The following GLIS3 variants were observed in gnomAD, a reference collection of about 807,000 sequenced individuals.
GLIS3 encodes the protein zinc finger protein GLIS3.
Under a neutral mutation model 78.6 loss-of-function variants are expected in GLIS3, and 53 were observed. That is an observed-to-expected ratio of 0.67 (90% CI 0.54 to 0.85). GLIS3 has a LOEUF of 0.85. GLIS3 is among the 40% of genes least tolerant of loss of function. The probability of loss-of-function intolerance (pLI) is 0.00; values close to 1 mark genes in which losing one functional copy is unlikely to be tolerated. For synonymous variants in GLIS3, 684 were observed against 509.9 expected (o/e 1.34, Z -4.60); for missense variants, 1,703 against 1,231.1 (o/e 1.38, Z -5.74).
At chr9:4,299,077 C>T (rs1563920331) in intron 1 of GLIS3, among the ~76,000 whole-genome samples, 1 of 152,142 alleles carries the variant, frequency 6.6e-6, no homozygotes, top group Admixed American at 6.5e-5. Flanking sequence ...CCCCTCTGCC[C>T]GCTCTACTTG....
intron 2 of GLIS3, among the ~76,000 whole-genome samples, chr9:4,232,937 G>C (rs1046983091): frequency 6.6e-6 from 1 of 152,162 alleles, no homozygotes; most frequent in African/African-American, 2.4e-5. Context: ...TCAGTGTATA[G>C]ACAAAATGTT....
At chr9:4,138,616 C>T (rs188559444) in intron 2 of GLIS3, among the ~76,000 whole-genome samples, 95 of 152,154 alleles carry the variant, frequency 6.2e-4, no homozygotes, top group Non-Finnish European at 9.6e-4. Context: ...TGGGGGAAGC[C>T]GTAAAGAATG....
the GLIS3 span, among the ~76,000 whole-genome samples, chr9:4,483,776 G>C: frequency 6.6e-6 from 1 of 150,596 alleles, no homozygotes; most frequent in African/African-American, 2.4e-5. Context: ...TCTAGAGCCA[G>C]ACCATCTGGC....
At chr9:4,354,553 T>C in the GLIS3 span, among the ~76,000 whole-genome samples, 4 of 152,220 alleles carry the variant, frequency 2.6e-5, no homozygotes, top group African/African-American at 7.2e-5. Context: ...CCCATCTTAT[T>C]CAGGTCAAAA....
chr9:4,266,463 CTT>C (rs948275218), intron 2 of GLIS3, among the ~76,000 whole-genome samples: 2 of 152,124 alleles, frequency 1.3e-5, no homozygotes, highest in Non-Finnish European at 2.9e-5. Flanking sequence ...GCAATAGTGA[CTT>C]TGTTTCTTTC....
intron 2 of GLIS3, among the ~76,000 whole-genome samples, chr9:4,159,734 G>GAAAGA (rs1048030460): frequency 1.8e-4 from 26 of 145,962 alleles, no homozygotes; most frequent in Non-Finnish European, 3.2e-4. Context: ...AAAAAAAAAA[G>GAAAGA]AAAGAAAAGA....
rs1822619513 is a variant in GLIS3 at position 4,235,270 on chromosome 9, G to A, written c.388+50768C>T. On this transcript the variant is annotated intron_variant, in intron 2 of 10. Transcript: ENST00000381971. ...TCCGAGATTGCACTACTGCACTCCA[G>A]GCTGGGCGACACAGTGAGACTCTGT... is the stretch of plus-strand genomic sequence containing the variant. Among the ~76,000 whole-genome samples the A allele has an allele frequency of 2.1e-5, 3 of 146,260 alleles. No individual in the cohort carries two copies. The Admixed American group carries it at 2.1e-4, about 10-fold the overall frequency.
chr9:4,315,375 A>T (rs1469085122), intron 2 of GLIS3, among the ~76,000 whole-genome samples: 1 of 152,152 alleles, frequency 6.6e-6, no homozygotes, highest in African/African-American at 2.4e-5. Context: ...TTAGTATTTC[A>T]AGGCCTGCTC....
the GLIS3 span, among the ~76,000 whole-genome samples, chr9:4,439,113 C>G: frequency 6.6e-6 from 1 of 152,166 alleles, no homozygotes; most frequent in Non-Finnish European, 1.5e-5. Context: ...ACCCCTTTCT[C>G]TCTCTGTGCT....
chr9:3,873,304 C>T lies in GLIS3; in HGVS notation c.2297+6123G>A, dbSNP rs1254476697. On this transcript the variant is annotated intron_variant, in intron 8 of 10. Transcript: ENST00000381971. ...ATAACAAACAACAAAAATAAAACTG[C>T]AGGCCAATATCCCTGATAAACAGAG... Among the ~76,000 whole-genome samples, 4 of 152,106 alleles carry T rather than the reference C, an allele frequency of 2.6e-5. No homozygotes were observed. In the East Asian group the frequency reaches 7.7e-4, roughly 29 times the overall value.
At chr9:4,422,790 TC>T in the GLIS3 span, among the ~76,000 whole-genome samples, 1 of 152,184 alleles carries the variant, frequency 6.6e-6, no homozygotes, top group East Asian at 1.9e-4. Flanking sequence ...AGGGAAGGTC[TC>T]TTGCAGAGGT....
At chr9:4,361,268 C>T in the GLIS3 span, among the ~76,000 whole-genome samples, 1 of 152,180 alleles carries the variant, frequency 6.6e-6, no homozygotes, top group African/African-American at 2.4e-5. Context: ...CAAAGACTGA[C>T]CTCCTTGTCT....
rs71308890 is a variant in GLIS3 at position 3,839,594 on chromosome 9, A to AG, written c.2474-10103dup. 3.8e-4 allele frequency among the ~76,000 whole-genome samples: 58 copies of AG among 151,246 alleles called. 1 individual carries two copies. The highest frequency in any genetic ancestry group is 8.3e-4 in the South Asian group (4 of 4,794). ...CCCAAGTTTACAGCCAAAAAAAAAA[A>AG]GGGGGGAGAAGTTAAAATAACTGAA... On this transcript the variant is annotated intron_variant, in intron 9 of 10. Transcript: ENST00000381971.
chr9:4,059,829 T>TGAGAGAGAGAGA lies in GLIS3; in HGVS notation c.1710+57927_1710+57938dup, dbSNP rs1004608610. Among the ~76,000 whole-genome samples, 241 of 100,670 alleles carry TGAGAGAGAGAGA rather than the reference T, an allele frequency of 2.4e-3. 1 individual carries two copies. The highest frequency in any genetic ancestry group is 7.5e-3 in the African/African-American group (221 of 29,474). The allele number at this position is 100,670 out of a possible 152,430, so 66.0% of individuals were successfully genotyped here. On this transcript the variant is annotated intron_variant, in intron 4 of 10. Transcript: ENST00000381971. ...TTGTGTGTGTGTGTGTGTGTGTGTG[T>TGAGAGAGAGAGA]GAGAGAGAGAGAGAGAGAGAGAGAG...
At position 4,317,321 on chromosome 9, in the gene GLIS3, C is replaced by A. The variant is rs116838352; in HGVS notation, n.265-6793G>T. Among the ~76,000 whole-genome samples, 446 of 152,244 alleles carry A rather than the reference C, an allele frequency of 2.9e-3. 2 individuals are homozygous for A. The highest frequency in any genetic ancestry group is 0.01 in the African/African-American group (421 of 41,536). On this transcript the variant is annotated intron_variant and non_coding_transcript_variant, in intron 2 of 4. Coordinates refer to the GLIS3 transcript ENST00000471664. ...GCACTGGCTTCTCAGTGAAATCTTC[C>A]AGAGAGTTTTTTACAGTACTGATGC...
At chr9:4,056,687 G>A (rs547919056) in intron 4 of GLIS3, among the ~76,000 whole-genome samples, 1 of 152,018 alleles carries the variant, frequency 6.6e-6, no homozygotes. Flanking sequence ...ACACATGCAC[G>A]TGTGCATATA....
At chr9:4,098,374 G>A (rs1239561577) in intron 4 of GLIS3, among the ~76,000 whole-genome samples, 1 of 152,192 alleles carries the variant, frequency 6.6e-6, no homozygotes, top group African/African-American at 2.4e-5. Flanking sequence ...TGGAGGAGTA[G>A]AAGATGAATG....
chr9:4,135,718 G>A (rs555416764), intron 2 of GLIS3, among the ~76,000 whole-genome samples: 4 of 152,196 alleles, frequency 2.6e-5, no homozygotes, highest in South Asian at 2.1e-4. Context: ...GAAACATCAA[G>A]TATATGAAAG....
intron 4 of GLIS3, among the ~76,000 whole-genome samples, chr9:3,947,450 C>T (rs1317859323): frequency 6.6e-6 from 1 of 152,240 alleles, no homozygotes; most frequent in Non-Finnish European, 1.5e-5. Flanking sequence ...CATATAGGCA[C>T]ATAGGTGCAA....
Sources: gnomAD v4.1 joint callset for allele counts (sites outside exome capture counted in the v4.1 genomes callset) on GRCh38, gnomAD v4.1.1 for gene constraint, MANE v1.5 for transcripts, NCBI Gene and HGNC (gene_info 2026-07-23, HGNC 2026-07-21) for gene names.